Variants in PSD2 observed in about 807,000 individuals in gnomAD.
The protein encoded by PSD2 is pleckstrin and Sec7 domain containing 2.
In PSD2, 38 loss-of-function variants were observed where a neutral mutation model predicts 69.8. The ratio of observed to expected loss-of-function variants is 0.54; its 90% CI spans 0.42 to 0.71. The LOEUF (loss-of-function observed/expected upper bound fraction) is 0.71, where lower values mean the gene tolerates loss of function less well. Ranked by LOEUF, PSD2 falls within the 30% of genes least tolerant of loss-of-function variation. The pLI is 0.00. For missense variants in PSD2, 943 were observed against 1,014.5 expected, an observed-to-expected ratio of 0.93 and a Z score of 0.96; for synonymous variants, 412 against 423.0, an observed-to-expected ratio of 0.97 and a Z score of 0.32.
At chr5:139,817,673 C>T (rs771141876) in intron 5 of PSD2, 112 bp downstream of exon 5, 63 of 915,722 alleles carry the variant, frequency 6.9e-5, no homozygotes, top group Admixed American at 2.1e-4. Context: ...GTCTTTTGAC[C>T]CCTGGTGAGG....
chr5:139,814,647 C>A lies in PSD2; in HGVS notation c.1016+283C>A, dbSNP rs1195223706. 6.6e-6 allele frequency among the ~76,000 whole-genome samples: 1 copy of A among 151,898 alleles called. No homozygotes were observed. The highest frequency in any genetic ancestry group is 2.4e-5 in the African/African-American group (1 of 41,326). ...GATGTGGGATGTGGTTATGGGGCCACGATGGATGTGAGGACAGAGAAGCCA... is the reference window on the plus strand; with the variant it reads ...GATGTGGGATGTGGTTATGGGGCCAAGATGGATGTGAGGACAGAGAAGCCA... On this transcript the variant is annotated intron_variant, in intron 4 of 14. Transcript: ENST00000274710. This position sits in a 1 kb window ranked among gnomAD's most constrained non-coding sequence, Gnocchi z 4.4.
chr5:139,836,066 G>T (rs1343226687), intron 9 of PSD2, among the ~76,000 whole-genome samples: 2 of 152,230 alleles, frequency 1.3e-5, no homozygotes, highest in Non-Finnish European at 2.9e-5. Context: ...TCCCATTGAT[G>T]ACCGCTCCTT....
At chr5:139,816,094 C>T (rs932021707) in intron 4 of PSD2, among the ~76,000 whole-genome samples, 13 of 150,856 alleles carry the variant, frequency 8.6e-5, no homozygotes, top group Non-Finnish European at 1.6e-4. Flanking sequence ...TTCAAAGTTA[C>T]TATTTGCTTC....
At chr5:139,811,277 G>A (rs1296630575) in intron 2 of PSD2, among the ~76,000 whole-genome samples, 1 of 152,154 alleles carries the variant, frequency 6.6e-6, no homozygotes, top group Admixed American at 6.5e-5. Flanking sequence ...GTCCTGCTGG[G>A]GCTGGAGTGG....
chr5:139,780,015 G>A, the PSD2 span, among the ~76,000 whole-genome samples: 2 of 152,160 alleles, frequency 1.3e-5, no homozygotes, highest in East Asian at 1.9e-4. Context: ...GTGAATATAT[G>A]TTTTCATTTT....
In PSD2 at chr5:139,826,525, T is replaced by C. The variant is rs1462675707; in HGVS notation, c.1269+3741T>C. On this transcript the variant is annotated intron_variant, in intron 7 of 14. Transcript: ENST00000274710. ...GAAAGTGGAGGTGCTGCAGTGGGCTTGGTAGCTCTGGCAATGAGAAGATGA... is the reference window on the plus strand; with the variant it reads ...GAAAGTGGAGGTGCTGCAGTGGGCTCGGTAGCTCTGGCAATGAGAAGATGA... Among the ~76,000 whole-genome samples the C allele has an allele frequency of 2.6e-5, 4 of 152,156 alleles. No homozygotes were observed. In the East Asian group the frequency reaches 7.7e-4, roughly 29 times the overall value.
chr5:139,841,252 T>G (rs534161280), intron 14 of PSD2, among the ~76,000 whole-genome samples: 41 of 152,366 alleles, frequency 2.7e-4, no homozygotes, highest in African/African-American at 9.9e-4. Context: ...TTGCAAATTT[T>G]TTTTTGGTGA....
At chr5:139,819,211 G>T (rs1053881003) in intron 5 of PSD2, among the ~76,000 whole-genome samples, 1 of 152,242 alleles carries the variant, frequency 6.6e-6, no homozygotes, top group Non-Finnish European at 1.5e-5. Context: ...TAGAAGGTTT[G>T]TGGGGATGCA....
intron 5 of PSD2, 28 bp downstream of exon 5, chr5:139,817,589 C>T (rs769675466): frequency 6.4e-7 from 1 of 1,559,508 alleles, no homozygotes; most frequent in Admixed American, 1.7e-5. Context: ...AGGCAGTGCC[C>T]ACAAGTGGTA....
chr5:139,797,369 CT>C (rs1759557241), intron 1 of PSD2, among the ~76,000 whole-genome samples: 1 of 152,206 alleles, frequency 6.6e-6, no homozygotes. Context: ...TGTGGCCCAG[CT>C]AAAGGAGGAT....
chr5:139,830,565 C>CCTTCCTTCCTTCCTTCCTTT lies in PSD2; in HGVS notation c.1270-3134_1270-3133insCCTTCCTTCCTTCCTTTCTT, dbSNP rs1554096354. 8.0e-3 allele frequency among the ~76,000 whole-genome samples: 964 copies of CCTTCCTTCCTTCCTTCCTTT among 120,170 alleles called. 13 individuals are homozygous for CCTTCCTTCCTTCCTTCCTTT. Among genetic ancestry groups the CCTTCCTTCCTTCCTTCCTTT allele is most frequent in the African/African-American group, 0.025 (668 of 27,022 alleles). The allele number at this position is 120,170 out of a possible 152,430, so 78.8% of individuals were successfully genotyped here. On this transcript the variant is annotated intron_variant, in intron 7 of 14. Coordinates refer to ENST00000274710, the MANE Select transcript of PSD2 (RefSeq NM_032289.4). The stretch of plus-strand genomic sequence containing the variant: ...TCCTTCCTTCCTTCCTTCCTTCCTT[C>CCTTCCTTCCTTCCTTCCTTT]CTTTCTTTCTTTCTTTCTTTCTTTC...
the PSD2 span, among the ~76,000 whole-genome samples, chr5:139,747,296 C>T: frequency 6.6e-6 from 1 of 152,124 alleles, no homozygotes; most frequent in African/African-American, 2.4e-5. This position sits in a 1 kb window ranked among gnomAD's most constrained non-coding sequence, Gnocchi z 6.7. Flanking sequence ...GCCCTGTTTA[C>T]GACATCCCCT....
chr5:139,816,737 C>T (rs1008089289), intron 4 of PSD2, among the ~76,000 whole-genome samples: 2 of 152,252 alleles, frequency 1.3e-5, no homozygotes, highest in Non-Finnish European at 2.9e-5. Flanking sequence ...TTCGCTGGCT[C>T]GCTCCTGGGT....
intron 1 of PSD2, among the ~76,000 whole-genome samples, chr5:139,798,333 A>G (rs948403751): frequency 7.9e-5 from 12 of 152,090 alleles, no homozygotes; most frequent in African/African-American, 2.9e-4. Context: ...CCGTTTCCTC[A>G]GGGTCTGGCC....
intron 2 of PSD2, among the ~76,000 whole-genome samples, chr5:139,811,687 C>T (rs192384968): frequency 1.8e-4 from 27 of 152,182 alleles, no homozygotes; most frequent in South Asian, 1.7e-3. Context: ...CTCCACCTCC[C>T]GGGTTCACGC....
chr5:139,771,388 T>G, the PSD2 span, among the ~76,000 whole-genome samples: 2 of 151,356 alleles, frequency 1.3e-5, no homozygotes, highest in Non-Finnish European at 3.0e-5. Context: ...TTTTCTTTTC[T>G]TTTTTTTTGA....
chr5:139,837,361 C>A lies in PSD2; in HGVS notation c.1665+123C>A. ...GCTCAGGCACATGCTGGGTCCTTCC[C>A]CAGACTTGGGCCCTCTCAGGGCTTT... On this transcript the variant is annotated intron_variant, in intron 11 of 14. Transcript: ENST00000274710. This position sits in a 1 kb window ranked among gnomAD's most constrained non-coding sequence, Gnocchi z 5.0. 9.8e-7 allele frequency: 1 copy of A among 1,020,956 alleles called. No individual in the cohort carries two copies. The highest frequency in any genetic ancestry group is 1.5e-5 in the South Asian group (1 of 65,330). The allele number at this position is 1,020,956 out of a possible 1,614,324, so 63.2% of individuals were successfully genotyped here. A position where few individuals can be genotyped will look rare whatever the true frequency, so the allele number is the denominator to read the frequency against.
At position 139,833,784 on chromosome 5, in the gene PSD2, T is replaced by G; in HGVS notation, c.1352T>G (p.Leu451Arg). The G allele has an allele frequency of 6.2e-7, 1 of 1,612,478 alleles. No individual in the cohort carries two copies. The highest frequency in any genetic ancestry group is 8.5e-7 in the Non-Finnish European group (1 of 1,178,474). Residue 451 changes from leucine to arginine, a missense_variant, in exon 8 of 15, where the codon CTG (leucine) becomes CGG (arginine). By Grantham distance (102) the Leu-to-Arg change is moderately radical. Transcript: ENST00000274710. The stretch of plus-strand genomic sequence containing the variant: ...GATGGCCAAGACTTTGCCAAAGACC[T>G]GCTGAAGGTACTGTCTGCTGAGTGT... ...LNDGQDFAKD[L>R]LKTLYNSIKN...
the PSD2 span, among the ~76,000 whole-genome samples, chr5:139,759,306 TC>T: frequency 6.6e-6 from 1 of 151,996 alleles, no homozygotes; most frequent in African/African-American, 2.4e-5. Context: ...GCGCGCGCTC[TC>T]TCTCCACTCA....
Sources: gnomAD v4.1 joint callset for allele counts (sites outside exome capture counted in the v4.1 genomes callset) on GRCh38, gnomAD v4.1.1 for gene constraint, Gnocchi (gnomAD v3.1) non-coding constraint, MANE v1.5 for transcripts, NCBI Gene and HGNC (gene_info 2026-07-23, HGNC 2026-07-21) for gene names.